The following SLC14A2 variants were observed in gnomAD, a reference collection of about 807,000 sequenced individuals.
SLC14A2 encodes the protein urea transporter 2.
In SLC14A2, 91 loss-of-function variants were observed where a neutral mutation model predicts 104.6. The observed-to-expected ratio is 0.87, with a 90% CI of 0.73 to 1.04. The LOEUF (loss-of-function observed/expected upper bound fraction) is 1.04. SLC14A2 is among the 50% of genes least tolerant of loss of function. The pLI is 0.00. For synonymous variants in SLC14A2, 476 were observed against 466.4 expected (o/e 1.02, Z -0.27); for missense variants, 1,189 against 1,156.0 (o/e 1.03, Z -0.41).
intron 2 of SLC14A2, among the ~76,000 whole-genome samples, chr18:45,557,746 A>T (rs1003147402): frequency 6.6e-6 from 1 of 152,084 alleles, no homozygotes; most frequent in African/African-American, 2.4e-5. Flanking sequence ...TCTGCCTGGC[A>T]AGTGCTTTCT....
chr18:45,637,223 C>T, intron 6 of SLC14A2, 41 bp downstream of exon 6: 3 of 1,526,852 alleles, frequency 2.0e-6, no homozygotes, highest in Non-Finnish European at 2.7e-6. Flanking sequence ...CCCCATATTC[C>T]ACTGCAGACC....
chr18:45,541,276 G>A (rs996535044), intron 2 of SLC14A2, among the ~76,000 whole-genome samples: 4 of 152,212 alleles, frequency 2.6e-5, no homozygotes, highest in African/African-American at 7.2e-5. Context: ...ACAGCATGAT[G>A]AGCCCCTTAT....
the SLC14A2 span, among the ~76,000 whole-genome samples, chr18:45,192,170 G>A: frequency 2.0e-5 from 3 of 152,256 alleles, no homozygotes; most frequent in East Asian, 1.9e-4. Context: ...ACTCTCTCTA[G>A]CACAGTTTTG....
At chr18:45,231,365 G>C (rs1017133603) in intron 1 of SLC14A2, among the ~76,000 whole-genome samples, 3 of 151,630 alleles carry the variant, frequency 2.0e-5, no homozygotes, top group African/African-American at 7.3e-5. Context: ...ACCATGCCTG[G>C]CTAATTTTTT....
intron 1 of SLC14A2, among the ~76,000 whole-genome samples, chr18:45,475,058 A>T (rs1376129781): frequency 6.6e-6 from 1 of 152,184 alleles, no homozygotes; most frequent in Non-Finnish European, 1.5e-5. Context: ...GCTGTGTCCC[A>T]GAGATCCTGG....
intron 1 of SLC14A2, among the ~76,000 whole-genome samples, chr18:45,433,579 A>G (rs2086551418): frequency 6.6e-6 from 1 of 152,208 alleles, no homozygotes; most frequent in Admixed American, 6.5e-5. Flanking sequence ...CTACTGGGTT[A>G]AAAAGATCTA....
intron 1 of SLC14A2, among the ~76,000 whole-genome samples, chr18:45,420,483 G>T (rs1474904830): frequency 6.6e-6 from 1 of 152,130 alleles, no homozygotes; most frequent in Admixed American, 6.6e-5. Context: ...TATCACAGAG[G>T]TGTATCTTTG....
At chr18:45,350,759 T>C (rs1400343319) in intron 1 of SLC14A2, among the ~76,000 whole-genome samples, 1 of 151,362 alleles carries the variant, frequency 6.6e-6, no homozygotes, top group African/African-American at 2.4e-5. Context: ...AAGGAAAAGA[T>C]TTATCCAGGA....
At chr18:45,404,999 A>T (rs1254694994) in intron 1 of SLC14A2, among the ~76,000 whole-genome samples, 1 of 152,202 alleles carries the variant, frequency 6.6e-6, no homozygotes, top group Admixed American at 6.5e-5. Context: ...GCACTTCCAC[A>T]TGGAACTTCT....
rs1568185043 is a variant in SLC14A2 at position 45,403,786 on chromosome 18, A to AATGAATGAATG, written c.-124-79446_-124-79445insTGAATGAATGA. 1.9e-3 allele frequency among the ~76,000 whole-genome samples: 56 copies of AATGAATGAATG among 30,182 alleles called. 1 individual carries two copies. In the South Asian group the frequency reaches 0.039, roughly 21 times the overall value. 19.8% of individuals were successfully genotyped at this position (30,182 alleles called of 152,430 possible). A position where few individuals can be genotyped will look rare whatever the true frequency, so the allele number is the denominator to read the frequency against. ...TGAATGAATGAATGAATGAATGAAT[A>AATGAATGAATG]AATGAGTGGACATTCTATGAGTCAG... On this transcript the variant is annotated intron_variant, in intron 1 of 20. Coordinates refer to the SLC14A2 transcript ENST00000586448.
At chr18:45,392,065 T>G (rs1426519391) in intron 1 of SLC14A2, among the ~76,000 whole-genome samples, 1 of 152,244 alleles carries the variant, frequency 6.6e-6, no homozygotes, top group Non-Finnish European at 1.5e-5. Context: ...AAGCAATGTC[T>G]AGAGAAGTTT....
intron 2 of SLC14A2, among the ~76,000 whole-genome samples, chr18:45,521,225 C>A (rs1484372482): frequency 6.6e-6 from 1 of 152,224 alleles, no homozygotes; most frequent in Non-Finnish European, 1.5e-5. Flanking sequence ...TCTACATCAT[C>A]TTGATTATCC....
At chr18:45,633,186 C>G (rs768857909) in intron 5 of SLC14A2, among the ~76,000 whole-genome samples, 2 of 152,154 alleles carry the variant, frequency 1.3e-5, no homozygotes, top group African/African-American at 4.8e-5. Context: ...GAGATTAAGT[C>G]ACTTGCCCCA....
intron 3 of SLC14A2, 140 bp from the exon 4 acceptor site, chr18:45,626,818 C>A: frequency 4.9e-6 from 2 of 409,890 alleles, no homozygotes; most frequent in Non-Finnish European, 9.1e-6. Context: ...CCCCACCCCT[C>A]CACCCCGACC....
the SLC14A2 span, chr18:45,169,271 GA>G: frequency 6.6e-6 from 1 of 152,214 alleles, no homozygotes; most frequent in African/African-American, 2.4e-5. Flanking sequence ...AATTTTTGCT[GA>G]AATTTGACTA....
At chr18:45,491,421 TA>T (rs1442684136) in intron 2 of SLC14A2, among the ~76,000 whole-genome samples, 1 of 152,100 alleles carries the variant, frequency 6.6e-6, no homozygotes, top group Non-Finnish European at 1.5e-5. Context: ...AATAGAAGCA[TA>T]AAAACACAGA....
At chr18:45,342,316 A>T (rs2144285877) in intron 1 of SLC14A2, among the ~76,000 whole-genome samples, 1 of 152,302 alleles carries the variant, frequency 6.6e-6, no homozygotes, top group South Asian at 2.1e-4. Flanking sequence ...TAAGGGCTTG[A>T]GCTGAGATAT....
At chr18:45,569,416 T>C (rs2044314965) in intron 2 of SLC14A2, among the ~76,000 whole-genome samples, 1 of 152,228 alleles carries the variant, frequency 6.6e-6, no homozygotes, top group South Asian at 2.1e-4. Flanking sequence ...TACACTTTCT[T>C]ACTCCCTTAG....
chr18:45,270,143 C>T (rs1025348678), intron 1 of SLC14A2, among the ~76,000 whole-genome samples: 1 of 152,058 alleles, frequency 6.6e-6, no homozygotes, highest in African/African-American at 2.4e-5. Flanking sequence ...AAGCCTAAAC[C>T]ATACACTCTT....
Sources: gnomAD v4.1 joint callset for allele counts (sites outside exome capture counted in the v4.1 genomes callset) on GRCh38, gnomAD v4.1.1 for gene constraint, MANE v1.5 for transcripts, NCBI Gene and HGNC (gene_info 2026-07-23, HGNC 2026-07-21) for gene names.